NCKAP5: variants seen among roughly 807,000 people sequenced by gnomAD.
The protein encoded by NCKAP5 is nck-associated protein 5.
NCKAP5 carries 92 observed loss-of-function variants against 167.0 expected under a neutral mutation model. The ratio of observed to expected loss-of-function variants is 0.55; its 90% CI spans 0.47 to 0.66. The LOEUF (loss-of-function observed/expected upper bound fraction) is 0.66, where lower values mean the gene tolerates loss of function less well. Among genes scored for constraint, NCKAP5 ranks in the 30% least tolerant of loss-of-function variants. The pLI is 0.00. For missense variants in NCKAP5, 2,378 were observed against 2,315.0 expected (o/e 1.03, Z -0.56); for synonymous variants, 891 against 877.4 (o/e 1.02, Z -0.27).
chr2:132,747,788 T>A (rs1679775222), intron 16 of NCKAP5, among the ~76,000 whole-genome samples: 1 of 152,242 alleles, frequency 6.6e-6, no homozygotes, highest in Non-Finnish European at 1.5e-5. Flanking sequence ...CAATGTGTAA[T>A]GGACACATTT....
chr2:133,048,257 T>G (rs1374053217), intron 6 of NCKAP5, among the ~76,000 whole-genome samples: 1 of 152,196 alleles, frequency 6.6e-6, no homozygotes, highest in African/African-American at 2.4e-5. Context: ...GGGGTACATG[T>G]TCTAGCCTCT....
intron 4 of NCKAP5, among the ~76,000 whole-genome samples, chr2:133,222,512 A>G (rs2150210025): frequency 6.6e-6 from 1 of 152,354 alleles, no homozygotes; most frequent in African/African-American, 2.4e-5. Context: ...GAGAACAAAG[A>G]AGGCAAATAT....
At chr2:132,807,920 G>T (rs992889533) in intron 11 of NCKAP5, among the ~76,000 whole-genome samples, 3 of 152,050 alleles carry the variant, frequency 2.0e-5, no homozygotes, top group Non-Finnish European at 4.4e-5. Context: ...ATAACATAAA[G>T]GTATGTCCCT....
intron 3 of NCKAP5, among the ~76,000 whole-genome samples, chr2:133,447,494 TCTTCC>T (rs1294837714): frequency 1.4e-5 from 2 of 144,890 alleles, no homozygotes; most frequent in African/African-American, 5.1e-5. Context: ...TTTCCCCTTC[TCTTCC>T]CTTCCTTTCC....
rs112863145 is a variant in NCKAP5, at chr2:133,340,197, C to T, written c.70-37087G>A. On this transcript the variant is annotated intron_variant, in intron 3 of 19. Transcript: ENST00000409261. ...CAGATCACAGCAGTAGCAAGTTATT[C>T]ACAACTACCTTGAGCTGACTAGCAA... Among the ~76,000 whole-genome samples, 151 of 152,306 alleles carry T rather than the reference C, an allele frequency of 9.9e-4. 2 individuals are homozygous for T. The highest frequency in any genetic ancestry group is 3.5e-3 in the African/African-American group (145 of 41,566).
intron 6 of NCKAP5, chr2:133,117,117 T>C (rs1052181005): frequency 1.3e-5 from 2 of 152,200 alleles, no homozygotes; most frequent in Admixed American, 1.3e-4. Flanking sequence ...GCTAAGAATA[T>C]CTTCCGTAGA....
At chr2:132,884,268 C>T (rs1239295950) in intron 8 of NCKAP5, among the ~76,000 whole-genome samples, 1 of 152,216 alleles carries the variant, frequency 6.6e-6, no homozygotes, top group Non-Finnish European at 1.5e-5. Context: ...CCTTTTTAAG[C>T]ACAGTTATTG....
rs1553479343 is a variant in NCKAP5 at position 132,920,771 on chromosome 2, G to GTATGTATGTATGTGTGTATATATA, written c.580-41856_580-41855insTATATATACACACATACATACATA. Among the ~76,000 whole-genome samples, 33 of 31,574 alleles carry GTATGTATGTATGTGTGTATATATA rather than the reference G, an allele frequency of 1.0e-3. 2 individuals are homozygous for GTATGTATGTATGTGTGTATATATA. The highest frequency in any genetic ancestry group is 3.3e-3 in the African/African-American group (30 of 9,062). 20.7% of individuals were successfully genotyped at this position (31,574 alleles called of 152,430 possible). On this transcript the variant is annotated intron_variant, in intron 8 of 19. Coordinates refer to ENST00000409261, the MANE Select transcript of NCKAP5 (RefSeq NM_207363.3). ...TATATATATATGTATATATATGTAT[G>GTATGTATGTATGTGTGTATATATA]TATATATATATATATATATATATAT...
At chr2:132,732,931 AAGACTGCG>A (rs1343208871) in intron 16 of NCKAP5, among the ~76,000 whole-genome samples, 3 of 152,194 alleles carry the variant, frequency 2.0e-5, no homozygotes, top group Admixed American at 6.5e-5. Context: ...CCCAGCTGAG[AAGACTGCG>A]AGCCACTTTC....
intron 4 of NCKAP5, among the ~76,000 whole-genome samples, chr2:133,215,240 T>C (rs1459927892): frequency 6.6e-6 from 1 of 152,124 alleles, no homozygotes; most frequent in Non-Finnish European, 1.5e-5. Flanking sequence ...CAAGTTCTGA[T>C]GAACAGATCA....
intron 3 of NCKAP5, among the ~76,000 whole-genome samples, chr2:133,377,271 A>G (rs1686212388): frequency 1.3e-5 from 2 of 152,218 alleles, no homozygotes; most frequent in African/African-American, 2.4e-5. Flanking sequence ...CTGTATAACT[A>G]TTCATTTCAA....
chr2:132,725,876 T>G (rs1479964410), intron 18 of NCKAP5, 117 bp from the exon 19 acceptor site: 5 of 1,087,586 alleles, frequency 4.6e-6, no homozygotes, highest in Admixed American at 2.8e-5. Flanking sequence ...CAGAATTCCA[T>G]TCCCACTGCC....
chr2:132,920,771 G>GTATGTATGTGTGTA (rs1553479343), intron 8 of NCKAP5, among the ~76,000 whole-genome samples: 1 of 31,570 alleles, frequency 3.2e-5, no homozygotes, highest in African/African-American at 1.1e-4. Context: ...ATATATGTAT[G>GTATGTATGTGTGTA]TATATATATA....
chr2:133,148,584 G>T lies in NCKAP5; in HGVS notation c.208-18473C>A, dbSNP rs542583390. Among the ~76,000 whole-genome samples the T allele has an allele frequency of 3.7e-4, 57 of 152,214 alleles. 1 individual carries two copies. The South Asian group carries it at 0.011, about 30-fold the overall frequency. On this transcript the variant is annotated intron_variant, in intron 5 of 19. Transcript: ENST00000409261. ...ATAACAAAAATCCTACAGACTGGGT[G>T]ACTTAAAGAACAGAACTTTATTTCT...
intron 5 of NCKAP5, among the ~76,000 whole-genome samples, chr2:133,174,033 A>G (rs971303495): frequency 6.6e-6 from 1 of 152,172 alleles, no homozygotes; most frequent in Non-Finnish European, 1.5e-5. Context: ...TAACTGAATT[A>G]AAGTGTTTAT....
chr2:133,108,517 T>C (rs113397812), intron 6 of NCKAP5, among the ~76,000 whole-genome samples: 3,017 of 152,360 alleles, frequency 0.02, 92 homozygotes, highest in African/African-American at 0.069. Flanking sequence ...TTCACTATTA[T>C]AATGAACCCT....
At chr2:132,844,565 AACTTT>A (rs1688531583) in intron 11 of NCKAP5, among the ~76,000 whole-genome samples, 2 of 152,100 alleles carry the variant, frequency 1.3e-5, no homozygotes, top group African/African-American at 4.8e-5. Context: ...ATTGCTTTGC[AACTTT>A]ACTTTTTCAC....
At chr2:133,070,848 T>C (rs544691030) in intron 6 of NCKAP5, among the ~76,000 whole-genome samples, 5 of 152,296 alleles carry the variant, frequency 3.3e-5, no homozygotes, top group African/African-American at 2.4e-5. Flanking sequence ...TAAATACATA[T>C]AGTACACGCA....
intron 3 of NCKAP5, among the ~76,000 whole-genome samples, chr2:133,314,133 C>T (rs1340140121): frequency 6.6e-6 from 1 of 152,164 alleles, no homozygotes; most frequent in African/African-American, 2.4e-5. Context: ...TCCCATTACT[C>T]CCCAAAGCTA....
Sources: gnomAD v4.1 joint callset for allele counts (sites outside exome capture counted in the v4.1 genomes callset) on GRCh38, gnomAD v4.1.1 for gene constraint, MANE v1.5 for transcripts, NCBI Gene and HGNC (gene_info 2026-07-23, HGNC 2026-07-21) for gene names.